ANKRD30A: variants seen among roughly 807,000 people sequenced by gnomAD.
ANKRD30A encodes ankyrin repeat domain-containing protein 30A.
Under a neutral mutation model 166.3 loss-of-function variants are expected in ANKRD30A, and 170 were observed. The ratio of observed to expected loss-of-function variants is 1.02; its 90% CI spans 0.90 to 1.16. ANKRD30A has a LOEUF of 1.16. ANKRD30A is among the 50% of genes most tolerant of loss of function. The pLI is 0.00. For missense variants in ANKRD30A, 1,630 were observed against 1,518.0 expected (o/e 1.07, Z -1.23); for synonymous variants, 564 against 508.9 (o/e 1.11, Z -1.46).
chr10:37,142,151 A>G lies in ANKRD30A; in HGVS notation c.1254A>G (p.Ala418=), dbSNP rs1164348983. ...WAAKGRPRKI[A]WEKKETPVKT... is the part of the protein sequence containing the mutation. ...CAAAAGGAAGACCTAGGAAGATCGC[A>G]TGGGAGAAAAAAGAAACACCTGTAA... Residue 418 remains alanine (A), a synonymous_variant, in exon 7 of 36, where the codon GCA becomes GCG. Coordinates refer to ENST00000361713, the MANE Select transcript of ANKRD30A (RefSeq NM_052997.3). The G allele has an allele frequency of 3.7e-6, 6 of 1,614,150 alleles. No homozygotes were observed. The highest frequency in any genetic ancestry group is 5.1e-6 in the Non-Finnish European group (6 of 1,180,030).
At chr10:37,182,618 G>GT (rs1348356060) in intron 24 of ANKRD30A, among the ~76,000 whole-genome samples, 3 of 108,840 alleles carry the variant, frequency 2.8e-5, no homozygotes, top group Non-Finnish European at 4.0e-5. Context: ...TTTTGTTTTT[G>GT]TTTTTTTGAG....
the ANKRD30A span, among the ~76,000 whole-genome samples, chr10:37,259,014 T>G: frequency 6.6e-6 from 1 of 151,012 alleles, no homozygotes; most frequent in Non-Finnish European, 1.5e-5. Flanking sequence ...GAGAGTATCT[T>G]TATGACACTG....
intron 3 of ANKRD30A, 42 bp downstream of exon 3, chr10:37,130,420 ATTTGT>A: frequency 7.2e-7 from 1 of 1,394,560 alleles, no homozygotes; most frequent in Non-Finnish European, 9.4e-7. Context: ...TTTGAAATCC[ATTTGT>A]TTTAACATTA....
At position 37,219,521 on chromosome 10, in the gene ANKRD30A, C is replaced by T; in HGVS notation, c.3809C>T (p.Ala1270Val). Residue 1270 changes from alanine to valine, a missense_variant, in exon 34 of 36, where the codon GCA (alanine) becomes GTA (valine). Coordinates refer to ENST00000361713, the MANE Select transcript of ANKRD30A (RefSeq NM_052997.3). ...AGCCTAAAAATTAATCTCAATTATG[C>T]AGGAGATGCTCTAAGAGAAAATACA... is the stretch of plus-strand genomic sequence containing the variant. ...SKSLKINLNY[A>V]GDALRENTLV... 2 of 1,610,300 alleles carry T rather than the reference C, an allele frequency of 1.2e-6. No homozygotes were observed. The highest frequency in any genetic ancestry group is 1.7e-6 in the Non-Finnish European group (2 of 1,177,698).
At chr10:37,256,915 T>C in the ANKRD30A span, among the ~76,000 whole-genome samples, 10 of 152,178 alleles carry the variant, frequency 6.6e-5, no homozygotes, top group Non-Finnish European at 1.5e-4. Context: ...ATAAAATGAG[T>C]TGGGGAGGAG....
At chr10:37,126,185 C>T (rs1835999388) in intron 1 of ANKRD30A, among the ~76,000 whole-genome samples, 177 bp downstream of exon 1, 1 of 152,178 alleles carries the variant, frequency 6.6e-6, no homozygotes, top group African/African-American at 2.4e-5. Flanking sequence ...GGCAGGCCCC[C>T]AGGCTTGGGA....
intron 18 of ANKRD30A, among the ~76,000 whole-genome samples, chr10:37,166,363 T>G (rs1275162296): frequency 1.3e-5 from 2 of 152,196 alleles, no homozygotes; most frequent in Non-Finnish European, 2.9e-5. Flanking sequence ...AGGTGATTTG[T>G]TTTTCCTGCT....
intron 31 of ANKRD30A, among the ~76,000 whole-genome samples, chr10:37,204,876 A>C (rs945393206): frequency 4.6e-5 from 7 of 152,222 alleles, no homozygotes. Context: ...CATCAGAGAA[A>C]TGCAAATCAA....
At chr10:37,204,251 C>T (rs1476205894) in intron 31 of ANKRD30A, among the ~76,000 whole-genome samples, 7 of 152,128 alleles carry the variant, frequency 4.6e-5, no homozygotes, top group African/African-American at 1.2e-4. Context: ...TACAAGGCTA[C>T]AGTAACCAAA....
At chr10:37,148,802 A>G (rs961409216) in intron 9 of ANKRD30A, among the ~76,000 whole-genome samples, 2 of 152,092 alleles carry the variant, frequency 1.3e-5, no homozygotes, top group African/African-American at 4.8e-5. Flanking sequence ...TAAGAAAGTG[A>G]GTTGTTTTGG....
rs1478285273 is a variant in ANKRD30A at position 37,219,744 on chromosome 10, T to A, written c.4032T>A (p.Ala1344=). Residue 1344 remains alanine, a synonymous_variant, in exon 34 of 36, where the codon GCT becomes GCA. Coordinates refer to ENST00000361713, the MANE Select transcript of ANKRD30A (RefSeq NM_052997.3). ...AATTAGTTCATGCACATAAGAAAGCTGACAACAAAAGCAAGATAACAATTG... is the reference window on the plus strand; with the variant it reads ...AATTAGTTCATGCACATAAGAAAGCAGACAACAAAAGCAAGATAACAATTG... ...QQQLVHAHKK[A]DNKSKITIDI... is the part of the protein sequence containing the mutation. 2 of 1,608,730 alleles carry A rather than the reference T, an allele frequency of 1.2e-6. No homozygotes were observed. Among genetic ancestry groups the A allele is most frequent in the Non-Finnish European group, 1.7e-6 (2 of 1,176,860 alleles).
chr10:37,125,959 ACAAAGAGGAAGAAGACCAT>A lies in ANKRD30A; in HGVS notation c.176_194del (p.Lys59ThrfsTer24), dbSNP rs1180694465. 1 of 1,611,998 alleles carries A rather than the reference ACAAAGAGGAAGAAGACCAT, an allele frequency of 6.2e-7. No individual in the cohort carries two copies. The highest frequency in any genetic ancestry group is 8.5e-7 in the Non-Finnish European group (1 of 1,179,968). ...ACAAGTCCGGAAGCTGGAGAAGATG[ACAAAGAGGAAGAAGACCAT>A]CAACCTTAATATACAAGACGCCCAG... On this transcript the variant is annotated frameshift_variant, in exon 1 of 36. Coordinates refer to ENST00000361713, the MANE Select transcript of ANKRD30A (RefSeq NM_052997.3). LOFTEE classifies it high-confidence loss of function.
chr10:37,159,932 C>T (rs1412233639), intron 15 of ANKRD30A, among the ~76,000 whole-genome samples: 2 of 152,104 alleles, frequency 1.3e-5, no homozygotes, highest in Admixed American at 6.6e-5. Flanking sequence ...ATCTCCTGAC[C>T]TTGTGATCCG....
chr10:37,156,830 G>A (rs1838418164), intron 13 of ANKRD30A, among the ~76,000 whole-genome samples: 1 of 152,262 alleles, frequency 6.6e-6, no homozygotes, highest in South Asian at 2.1e-4. Flanking sequence ...TGTAATTAAA[G>A]CAGGTTTTTA....
chr10:37,207,155 C>T (rs1842042352), intron 31 of ANKRD30A, among the ~76,000 whole-genome samples: 1 of 151,980 alleles, frequency 6.6e-6, no homozygotes, highest in African/African-American at 2.4e-5. Context: ...TTTTATTTAC[C>T]ATTATTTTCT....
intron 31 of ANKRD30A, among the ~76,000 whole-genome samples, chr10:37,204,555 T>TG (rs1282184039): frequency 2.6e-5 from 4 of 152,166 alleles, no homozygotes; most frequent in African/African-American, 9.7e-5. Flanking sequence ...GACAAAGGCA[T>TG]GGGCAAAGTC....
chr10:37,138,832 A>G (rs1836902291), intron 6 of ANKRD30A, among the ~76,000 whole-genome samples: 1 of 152,214 alleles, frequency 6.6e-6, no homozygotes, highest in Non-Finnish European at 1.5e-5. Flanking sequence ...AACTTCCCCA[A>G]TCTAGCAAGG....
In ANKRD30A at chr10:37,134,053, A is replaced by C. The variant is rs1475908900; in HGVS notation, c.755A>C (p.His252Pro). Reference protein sequence around the residue: ...EHYAVTCGFHHIHEQIMEYIR... With the variant: ...EHYAVTCGFHPIHEQIMEYIR... ...TATGCTGTTACTTGTGGATTTCATCAGTAAGTGTTTACGTTTAGAGGCTAG... is the reference window on the plus strand; with the variant it reads ...TATGCTGTTACTTGTGGATTTCATCCGTAAGTGTTTACGTTTAGAGGCTAG... Residue 252 changes from histidine (H) to proline (P), a missense_variant and splice_region_variant, in exon 5 of 36, where the codon CAC (histidine) becomes CCC (proline). His to Pro is a moderately conservative substitution (Grantham distance 77). Transcript: ENST00000361713. 1.2e-6 allele frequency: 2 copies of C among 1,613,836 alleles called. No homozygotes were observed. Among genetic ancestry groups the C allele is most frequent in the East Asian group, 2.2e-5 (1 of 44,842 alleles).
chr10:37,166,906 A>G (rs190804119), intron 19 of ANKRD30A, among the ~76,000 whole-genome samples: 35 of 152,252 alleles, frequency 2.3e-4, no homozygotes, highest in African/African-American at 7.7e-4. Flanking sequence ...TACTAGTTTG[A>G]ATTCAAGATA....
Sources: gnomAD v4.1 joint callset for allele counts (sites outside exome capture counted in the v4.1 genomes callset) on GRCh38, gnomAD v4.1.1 for gene constraint, MANE v1.5 for transcripts, NCBI Gene and HGNC (gene_info 2026-07-23, HGNC 2026-07-21) for gene names.